Variants in SOX5 observed in about 807,000 individuals in gnomAD.
SOX5 encodes the protein transcription factor SOX-5.
SOX5 carries 9 observed loss-of-function variants against 92.0 expected under a neutral mutation model. The ratio of observed to expected loss-of-function variants is 0.10; its 90% CI spans 0.06 to 0.17. The LOEUF (loss-of-function observed/expected upper bound fraction) is 0.17. Ranked by LOEUF, SOX5 falls within the 10% of genes least tolerant of loss-of-function variation. The pLI is 1.00. For missense variants in SOX5, 642 were observed against 944.5 expected (o/e 0.68, Z 4.20); for synonymous variants, 344 against 336.3 (o/e 1.02, Z -0.25).
chr12:24,456,030 G>A (rs930911797), intron 1 of SOX5, among the ~76,000 whole-genome samples: 11 of 152,136 alleles, frequency 7.2e-5, no homozygotes, highest in Admixed American at 7.2e-4. Context: ...GGAGAGCAGA[G>A]GCGAAAGTCT....
chr12:24,129,357 C>T lies in SOX5; in HGVS notation c.-2+83986G>A, dbSNP rs757331411. The stretch of plus-strand genomic sequence containing the variant: ...TACTAATTTTTTTAAAGTAATGCTA[C>T]GGACTCTATTAACTACAATTTTATT... On this transcript the variant is annotated intron_variant, in intron 4 of 4. Transcript: ENST00000446891. Among the ~76,000 whole-genome samples the T allele has an allele frequency of 4.5e-4, 68 of 152,022 alleles. 1 individual carries two copies. Among genetic ancestry groups the T allele is most frequent in the Non-Finnish European group, 2.4e-4 (16 of 68,020 alleles).
chr12:23,641,149 G>A (rs2080005054), intron 7 of SOX5, among the ~76,000 whole-genome samples: 1 of 152,106 alleles, frequency 6.6e-6, no homozygotes, highest in Non-Finnish European at 1.5e-5. Context: ...GAAAATGGGA[G>A]GGAAAGTGAG....
intron 1 of SOX5, among the ~76,000 whole-genome samples, chr12:23,943,957 C>T (rs1190360355): frequency 1.3e-5 from 2 of 151,996 alleles, no homozygotes; most frequent in Non-Finnish European, 2.9e-5. Context: ...ATCAACAAAC[C>T]TGGGTAATTC....
rs560518601 is a variant in SOX5 at position 24,057,926 on chromosome 12, AT to A, written c.-2+155416del. Among the ~76,000 whole-genome samples the A allele has an allele frequency of 5.7e-3, 875 of 152,302 alleles. 10 individuals carry two copies. Among genetic ancestry groups the A allele is most frequent in the African/African-American group, 0.02 (827 of 41,586 alleles). On this transcript the variant is annotated intron_variant, in intron 4 of 4. Transcript: ENST00000446891. ...ACGTTAATTTCTCCACAGTCTTTAA[AT>A]TTTTTGCGAAGAGAAAAATACACAA...
intron 1 of SOX5, among the ~76,000 whole-genome samples, chr12:23,942,421 A>C (rs1474772582): frequency 6.6e-6 from 1 of 152,046 alleles, no homozygotes; most frequent in East Asian, 1.9e-4. Flanking sequence ...CAACATTCTG[A>C]AATAAATTTT....
At chr12:24,266,667 C>T (rs1943059711) in intron 3 of SOX5, among the ~76,000 whole-genome samples, 1 of 152,146 alleles carries the variant, frequency 6.6e-6, no homozygotes, top group Non-Finnish European at 1.5e-5. Flanking sequence ...CATTTGTAAG[C>T]AGTTTAAATG....
intron 4 of SOX5, among the ~76,000 whole-genome samples, chr12:24,204,119 C>T (rs1828546474): frequency 1.3e-5 from 2 of 152,112 alleles, no homozygotes; most frequent in African/African-American, 4.8e-5. Flanking sequence ...TCTGGTTTGT[C>T]CTTCCTATTC....
At chr12:24,481,423 T>C (rs578222490) in intron 1 of SOX5, among the ~76,000 whole-genome samples, 8 of 152,254 alleles carry the variant, frequency 5.3e-5, no homozygotes, top group African/African-American at 1.9e-4. Flanking sequence ...AAGAGTATAA[T>C]TGGACTGTTT....
intron 1 of SOX5, among the ~76,000 whole-genome samples, chr12:24,502,425 A>G (rs905314582): frequency 1.3e-5 from 2 of 152,250 alleles, no homozygotes; most frequent in African/African-American, 4.8e-5. Flanking sequence ...ATAAACCATA[A>G]CACAAAACTA....
chr12:23,816,069 C>G (rs970705942), intron 3 of SOX5, among the ~76,000 whole-genome samples: 2 of 152,014 alleles, frequency 1.3e-5, no homozygotes, highest in African/African-American at 4.8e-5. Context: ...TTTTCAACAA[C>G]TCATAAATGG....
At chr12:24,418,893 G>GA (rs1384739524) in intron 1 of SOX5, among the ~76,000 whole-genome samples, 1 of 152,152 alleles carries the variant, frequency 6.6e-6, no homozygotes, top group African/African-American at 2.4e-5. Context: ...GTATGTATCT[G>GA]AAAGCACCAG....
At chr12:23,770,202 C>G (rs1041437586) in intron 3 of SOX5, among the ~76,000 whole-genome samples, 22 of 151,652 alleles carry the variant, frequency 1.5e-4, no homozygotes, top group African/African-American at 4.8e-4. Flanking sequence ...CTCACCTCTT[C>G]CCTCCTGCCA....
chr12:23,556,319 TAAG>T (rs1945165073), intron 11 of SOX5, among the ~76,000 whole-genome samples: 1 of 152,184 alleles, frequency 6.6e-6, no homozygotes, highest in Middle Eastern at 3.2e-3. Flanking sequence ...ACTCTGATAA[TAAG>T]AAGGCAAATA....
At chr12:24,331,280 C>T (rs374384285) in intron 2 of SOX5, 2 of 152,314 alleles carry the variant, frequency 1.3e-5, no homozygotes, top group Non-Finnish European at 1.5e-5. Flanking sequence ...AACTCACCTG[C>T]TATTTTTAGC....
chr12:24,318,331 G>A (rs905387228), intron 2 of SOX5, among the ~76,000 whole-genome samples: 1 of 152,196 alleles, frequency 6.6e-6, no homozygotes, highest in Non-Finnish European at 1.5e-5. Flanking sequence ...TGGGACAGTT[G>A]GGTAGGATGC....
intron 1 of SOX5, among the ~76,000 whole-genome samples, chr12:24,387,901 C>T (rs1958594292): frequency 1.3e-5 from 2 of 152,166 alleles, no homozygotes; most frequent in African/African-American, 4.8e-5. Flanking sequence ...AGCTCATACT[C>T]AGAATATTCC....
At chr12:23,862,510 A>G (rs770245048) in intron 2 of SOX5, among the ~76,000 whole-genome samples, 1 of 152,206 alleles carries the variant, frequency 6.6e-6, no homozygotes, top group East Asian at 1.9e-4. Flanking sequence ...ACTGGCTTTA[A>G]AAAACAGTGT....
chr12:23,820,168 C>G (rs1030425008), intron 3 of SOX5, among the ~76,000 whole-genome samples: 1 of 152,302 alleles, frequency 6.6e-6, no homozygotes, highest in Admixed American at 6.5e-5. Flanking sequence ...ATTTGCATTT[C>G]TCTAATGACC....
intron 1 of SOX5, among the ~76,000 whole-genome samples, chr12:24,387,279 G>C (rs1296842907): frequency 6.6e-6 from 1 of 152,172 alleles, no homozygotes; most frequent in African/African-American, 2.4e-5. Flanking sequence ...GATCAAGCTT[G>C]TCCAACCCAC....
Sources: allele counts gnomAD v4.1 joint callset (sites outside exome capture counted in the v4.1 genomes callset), GRCh38; gene constraint gnomAD v4.1.1; transcripts MANE v1.5; gene names NCBI Gene and HGNC (gene_info 2026-07-23, HGNC 2026-07-21).